The following POLR1C variants were observed in gnomAD, a reference collection of about 807,000 sequenced individuals.
The protein encoded by POLR1C is RNA polymerase I and III subunit C.
A neutral mutation model predicts 38.3 loss-of-function variants in POLR1C; 42 were observed. That is an observed-to-expected ratio of 1.10 (90% confidence interval 0.86 to 1.42). The LOEUF (loss-of-function observed/expected upper bound fraction) is 1.42, where lower values mean the gene tolerates loss of function less well. POLR1C is among the 40% of genes most tolerant of loss of function. The pLI, the probability that POLR1C is intolerant of heterozygous loss-of-function variation, is 0.00. For missense variants in POLR1C, 507 were observed against 450.5 expected, an observed-to-expected ratio of 1.13 and a Z score of -1.14; for synonymous variants, 163 against 163.9, an observed-to-expected ratio of 0.99 and a Z score of 0.04.
At chr6:43,525,353 G>T, downstream of POLR1C, 1 of 768,470 alleles carries the variant, frequency 1.3e-6, no homozygotes, top group Non-Finnish European at 2.1e-6. Flanking sequence ...GCCCAGGCTG[G>T]TCCTGAACTC....
downstream of POLR1C, chr6:43,526,193 T>C: frequency 2.2e-6 from 1 of 463,068 alleles, no homozygotes; most frequent in East Asian, 3.8e-5. Flanking sequence ...GTTGGACAAA[T>C]ATTTGAGCAC....
chr6:43,519,310 A>T (rs1347483993), intron 2 of POLR1C, 23 bp from the exon 3 acceptor site: 1 of 1,416,138 alleles, frequency 7.1e-7, no homozygotes, highest in African/African-American at 1.4e-5. Flanking sequence ...ATTTCACTTA[A>T]ATGTTTTTTC....
At chr6:43,527,843 GT>G in intron 8 of POLR1C, 1 of 1,146,882 alleles carries the variant, frequency 8.7e-7, no homozygotes, top group Non-Finnish European at 1.2e-6. Context: ...TTGGGTCTTC[GT>G]TTTATGCAAA....
chr6:43,526,910 G>T, intron 8 of POLR1C: 1 of 666,552 alleles, frequency 1.5e-6, no homozygotes, highest in Non-Finnish European at 2.7e-6. Context: ...AGAAATAGAG[G>T]CATTCTGATG....
chr6:43,553,613 G>T, intron 10 of POLR1C: 2 of 1,443,794 alleles, frequency 1.4e-6, no homozygotes, highest in Non-Finnish European at 1.8e-6. Flanking sequence ...GAACACCTGA[G>T]AATTTCATGA....
chr6:43,532,135 A>C (rs1794028954), downstream of POLR1C, among the ~76,000 whole-genome samples: 1 of 152,184 alleles, frequency 6.6e-6, no homozygotes, highest in African/African-American at 2.4e-5. Flanking sequence ...AACTTGAATA[A>C]TGGCATGGGG....
chr6:43,528,122 G>C (rs919963594), intron 8 of POLR1C: 1 of 1,570,388 alleles, frequency 6.4e-7, no homozygotes, highest in South Asian at 1.2e-5. Flanking sequence ...CTGGCTGCCA[G>C]TTCATCCACC....
At chr6:43,556,028 T>C in intron 10 of POLR1C, 3 of 1,584,574 alleles carry the variant, frequency 1.9e-6, no homozygotes, top group Non-Finnish European at 2.6e-6. Context: ...AAGTACTTAA[T>C]GTTTATTAAT....
intron 9 of POLR1C, among the ~76,000 whole-genome samples, chr6:43,535,576 C>T (rs949028275): frequency 1.3e-4 from 20 of 151,916 alleles, no homozygotes; most frequent in African/African-American, 3.1e-4. Context: ...TTCTAGAGGC[C>T]GGGCGCGGTG....
chr6:43,534,053 A>G, downstream of POLR1C: 1 of 1,454,014 alleles, frequency 6.9e-7, no homozygotes. Context: ...CTGATGCAGA[A>G]GGAAAGAGTG....
downstream of POLR1C, among the ~76,000 whole-genome samples, chr6:43,532,275 G>C (rs1794034160): frequency 6.6e-6 from 1 of 152,188 alleles, no homozygotes; most frequent in African/African-American, 2.4e-5. Flanking sequence ...GGACTATCTA[G>C]GCTGAAACAG....
At chr6:43,522,799 T>C (rs1441115031), downstream of POLR1C, 3 of 406,642 alleles carry the variant, frequency 7.4e-6, no homozygotes, top group Non-Finnish European at 1.6e-5. Flanking sequence ...AACTCTGCCT[T>C]ACGGCCAGTA....
chr6:43,550,608 T>C (rs1348201179), intron 9 of POLR1C, among the ~76,000 whole-genome samples: 1 of 152,250 alleles, frequency 6.6e-6, no homozygotes, highest in Non-Finnish European at 1.5e-5. Flanking sequence ...GTGGGACTAC[T>C]ATGATGATGA....
downstream of POLR1C, chr6:43,525,393 C>G: frequency 1.6e-6 from 1 of 622,312 alleles, no homozygotes; most frequent in Non-Finnish European, 2.8e-6. Context: ...CCATCTAAGC[C>G]TCCCGAATAG....
chr6:43,552,339 A>G (rs772802134), intron 10 of POLR1C, among the ~76,000 whole-genome samples: 9 of 151,514 alleles, frequency 5.9e-5, no homozygotes, highest in Non-Finnish European at 8.8e-5. Context: ...TACAGGCCTG[A>G]GCCACTGCGC....
At chr6:43,560,449 G>T in intron 10 of POLR1C, 1 of 1,010,358 alleles carries the variant, frequency 9.9e-7, no homozygotes, top group Non-Finnish European at 1.4e-6. Context: ...TATCAGTAAT[G>T]ACCACCCACT....
chr6:43,525,827 C>A (rs762907743), downstream of POLR1C: 1 of 1,613,894 alleles, frequency 6.2e-7, no homozygotes, highest in Non-Finnish European at 8.5e-7. Flanking sequence ...ATCACCTGCT[C>A]CTTCTACCCA....
At chr6:43,551,346 A>G (rs1413157137) in intron 10 of POLR1C, 20 of 1,613,922 alleles carry the variant, frequency 1.2e-5, no homozygotes, top group Admixed American at 1.7e-5. Flanking sequence ...TGACAAATGG[A>G]AAGAGTGCAG....
At chr6:43,558,503 T>C (rs1028425578) in intron 10 of POLR1C, 6 of 1,597,128 alleles carry the variant, frequency 3.8e-6, no homozygotes, top group African/African-American at 1.3e-5. Context: ...TCACTTACAG[T>C]TGAAGAAAGC....
Sources: gnomAD v4.1 joint callset for allele counts (sites outside exome capture counted in the v4.1 genomes callset) on GRCh38, gnomAD v4.1.1 for gene constraint, MANE v1.5 for transcripts, NCBI Gene and HGNC (gene_info 2026-07-23, HGNC 2026-07-21) for gene names.